SLC26A8: variants seen among roughly 807,000 people sequenced by gnomAD.
SLC26A8 encodes testis anion transporter 1.
A neutral mutation model predicts 105.0 loss-of-function variants in SLC26A8; 70 were observed. The observed-to-expected ratio is 0.67, with a 90% CI of 0.55 to 0.81. The LOEUF (loss-of-function observed/expected upper bound fraction) is 0.81. Among genes scored for constraint, SLC26A8 ranks in the 40% least tolerant of loss-of-function variants. The pLI, the probability that SLC26A8 is intolerant of heterozygous loss-of-function variation, is 0.00. For synonymous variants in SLC26A8, 415 were observed against 438.3 expected (o/e 0.95, Z 0.66); for missense variants, 998 against 1,181.8 (o/e 0.84, Z 2.28).
intron 4 of SLC26A8, among the ~76,000 whole-genome samples, chr6:35,999,272 A>G (rs1761452604): frequency 1.3e-5 from 2 of 152,286 alleles, no homozygotes; most frequent in East Asian, 3.9e-4. Flanking sequence ...ATAAAAACAT[A>G]TATAAAGAAT....
At chr6:35,977,386 A>G (rs1268098649) in intron 8 of SLC26A8, 35 bp from the exon 9 acceptor site, 7 of 1,596,630 alleles carry the variant, frequency 4.4e-6, no homozygotes, top group Non-Finnish European at 6.0e-6. Flanking sequence ...TCTGGATAGC[A>G]GGAATCCTTT....
At chr6:35,990,115 T>C (rs576294461) in intron 7 of SLC26A8, among the ~76,000 whole-genome samples, 1 of 151,986 alleles carries the variant, frequency 6.6e-6, no homozygotes, top group Non-Finnish European at 1.5e-5. Context: ...TTTTGTATTT[T>C]TATTAGAGAC....
At chr6:35,992,008 CAATAAG>C (rs1562053376) in intron 6 of SLC26A8, among the ~76,000 whole-genome samples, 200 bp from the exon 7 acceptor site, 7 of 152,030 alleles carry the variant, frequency 4.6e-5, no homozygotes, top group Admixed American at 2.0e-4. Context: ...CAGTAATGCT[CAATAAG>C]AATAAGGAGA....
At chr6:35,984,288 ATTC>A (rs1211910685) in intron 7 of SLC26A8, among the ~76,000 whole-genome samples, 1 of 146,252 alleles carries the variant, frequency 6.8e-6, no homozygotes, top group Non-Finnish European at 1.5e-5. Context: ...AAAGGAATAT[ATTC>A]TTCTTTTCTT....
At chr6:35,957,042 G>A (rs534815659) in intron 16 of SLC26A8, among the ~76,000 whole-genome samples, 118 of 152,040 alleles carry the variant, frequency 7.8e-4, no homozygotes, top group African/African-American at 2.5e-3. Context: ...GACCAACATG[G>A]AGAAACCACG....
At chr6:35,973,311 C>G (rs1772868910) in intron 10 of SLC26A8, among the ~76,000 whole-genome samples, 1 of 152,174 alleles carries the variant, frequency 6.6e-6, no homozygotes, top group Non-Finnish European at 1.5e-5. Context: ...AAACACTCTT[C>G]TTCTGAACAT....
At chr6:35,961,346 T>C (rs1244267465) in intron 12 of SLC26A8, among the ~76,000 whole-genome samples, 1 of 152,198 alleles carries the variant, frequency 6.6e-6, no homozygotes, top group African/African-American at 2.4e-5. Flanking sequence ...AATTTCCTCA[T>C]GTGCAAAATA....
chr6:35,968,609 G>GTGTATA (rs1168496588), intron 11 of SLC26A8, among the ~76,000 whole-genome samples: 48 of 60,044 alleles, frequency 8.0e-4, no homozygotes, highest in African/African-American at 1.1e-3. Flanking sequence ...GTGTGTGTGT[G>GTGTATA]TATATATATA....
At chr6:35,955,019 T>C (rs1333957138) in intron 17 of SLC26A8, 133 bp downstream of exon 17, 2 of 930,294 alleles carry the variant, frequency 2.1e-6, no homozygotes, top group Non-Finnish European at 3.4e-6. Flanking sequence ...CTGCCTTTGG[T>C]GTCCAAGGCT....
intron 16 of SLC26A8, among the ~76,000 whole-genome samples, chr6:35,955,776 G>C (rs1348894408): frequency 6.6e-6 from 1 of 152,052 alleles, no homozygotes; most frequent in Non-Finnish European, 1.5e-5. Flanking sequence ...CACTGTCCCA[G>C]TGAGCCAGAC....
chr6:36,011,979 T>C (rs1287322733), intron 3 of SLC26A8, among the ~76,000 whole-genome samples: 1 of 151,800 alleles, frequency 6.6e-6, no homozygotes, highest in Non-Finnish European at 1.5e-5. Flanking sequence ...AAATAACTAG[T>C]GAAGGGAAAA....
At chr6:36,004,836 T>C (rs1421967805) in intron 3 of SLC26A8, among the ~76,000 whole-genome samples, 3 of 149,632 alleles carry the variant, frequency 2.0e-5, no homozygotes, top group African/African-American at 7.4e-5. Flanking sequence ...TTTTTTTTTT[T>C]TTTTTTTTAG....
chr6:35,952,262 T>C (rs960153589), intron 17 of SLC26A8, among the ~76,000 whole-genome samples: 2 of 152,118 alleles, frequency 1.3e-5, no homozygotes, highest in Non-Finnish European at 2.9e-5. Flanking sequence ...GGAAGCAAGA[T>C]GTGGCTCAGA....
rs768142411 is a variant in SLC26A8, at chr6:35,944,278, T to C, written c.2535A>G (p.Pro845=). The C allele has an allele frequency of 1.9e-6, 3 of 1,614,150 alleles. No individual in the cohort carries two copies. The highest frequency in any genetic ancestry group is 2.2e-5 in the South Asian group (2 of 91,088). The change falls in exon 20 of 20, where the codon CCA becomes CCG. Residue 845 remains proline (P), a synonymous_variant. Coordinates refer to ENST00000490799, the MANE Select transcript of SLC26A8 (RefSeq NM_052961.4). ...CAGGCTGTTGGATCTTGATGAAGCC[T>C]GGACTTACATTTTTTTGGCTTCCTA... ...SFLGSQKNVS[P]GFIKIQQPVE...
intron 1 of SLC26A8, among the ~76,000 whole-genome samples, chr6:36,020,268 C>A (rs1316342630): frequency 1.3e-5 from 2 of 152,244 alleles, no homozygotes; most frequent in Non-Finnish European, 2.9e-5. Context: ...GGAAGCAGGA[C>A]TGTGACTATT....
chr6:36,000,434 C>G (rs1287307932), intron 3 of SLC26A8, among the ~76,000 whole-genome samples: 1 of 152,140 alleles, frequency 6.6e-6, no homozygotes, highest in Non-Finnish European at 1.5e-5. Flanking sequence ...AAAAGCAGCC[C>G]CATCCTTATG....
chr6:35,944,452 CT>C, intron 19 of SLC26A8, 112 bp from the exon 20 acceptor site: 1 of 691,306 alleles, frequency 1.4e-6, no homozygotes, highest in African/African-American at 1.8e-5. Context: ...AGGAGAATCG[CT>C]TTAGACCAGG....
intron 1 of SLC26A8, among the ~76,000 whole-genome samples, chr6:36,021,864 T>C (rs900989478): frequency 6.6e-6 from 1 of 151,714 alleles, no homozygotes; most frequent in South Asian, 2.1e-4. Flanking sequence ...GCTCACAGGG[T>C]TTCACGGTGT....
intron 6 of SLC26A8, among the ~76,000 whole-genome samples, 200 bp from the exon 7 acceptor site, chr6:35,992,008 C>T (rs975833754): frequency 8.6e-5 from 13 of 151,912 alleles, no homozygotes; most frequent in Non-Finnish European, 1.8e-4. Context: ...CAGTAATGCT[C>T]AATAAGAATA....
Sources: allele counts gnomAD v4.1 joint callset (sites outside exome capture counted in the v4.1 genomes callset), GRCh38; gene constraint gnomAD v4.1.1; transcripts MANE v1.5; gene names NCBI Gene and HGNC (gene_info 2026-07-23, HGNC 2026-07-21).